GABRB3: variants seen among roughly 807,000 people sequenced by gnomAD.
The protein encoded by GABRB3 is gamma-aminobutyric acid receptor subunit beta-3.
GABRB3 carries 14 observed loss-of-function variants against 52.1 expected under a neutral mutation model. That is an observed-to-expected ratio of 0.27 (90% CI 0.18 to 0.42). The LOEUF (loss-of-function observed/expected upper bound fraction) is 0.42. GABRB3 is among the 10% of genes least tolerant of loss of function. The pLI is 1.00. For missense variants in GABRB3, 307 were observed against 609.1 expected (o/e 0.50, Z 5.22); for synonymous variants, 260 against 232.3 (o/e 1.12, Z -1.08).
chr15:26,606,808 A>ATCGATAGATAGATAGATATATT (rs750566618), intron 4 of GABRB3, among the ~76,000 whole-genome samples: 4 of 84,766 alleles, frequency 4.7e-5, no homozygotes, highest in Non-Finnish European at 9.7e-5. Context: ...ATATATCTAT[A>ATCGATAGATAGATAGATATATT]GATAGATAGA....
chr15:26,674,479 A>G (rs1888006495), intron 3 of GABRB3, among the ~76,000 whole-genome samples: 2 of 149,258 alleles, frequency 1.3e-5, no homozygotes, highest in South Asian at 2.1e-4. Flanking sequence ...AAAGAAAGAA[A>G]GAGAGAGAGA....
At chr15:26,561,302 T>A in intron 7 of GABRB3, 126 bp from the exon 8 acceptor site, 1 of 1,311,470 alleles carries the variant, frequency 7.6e-7, no homozygotes, top group Non-Finnish European at 1.1e-6. Context: ...TACTGTGGGG[T>A]GACTGGAATG....
At chr15:26,580,271 C>G (rs1384110650) in intron 6 of GABRB3, 48 bp downstream of exon 6, 1 of 1,612,396 alleles carries the variant, frequency 6.2e-7, no homozygotes, top group South Asian at 1.1e-5. Context: ...CAGTCACGCC[C>G]ATGGAGCCAG....
intron 3 of GABRB3, among the ~76,000 whole-genome samples, chr15:26,753,197 C>CG (rs1332693290): frequency 6.6e-6 from 1 of 152,120 alleles, no homozygotes; most frequent in African/African-American, 2.4e-5. Flanking sequence ...TTCTTAGTGT[C>CG]CCGTCACCGC....
chr15:26,612,440 G>A (rs529936890), intron 4 of GABRB3: 1 of 152,218 alleles, frequency 6.6e-6, no homozygotes, highest in South Asian at 2.1e-4. Flanking sequence ...TTGACCATGA[G>A]CCTTCCCACA....
upstream of GABRB3, chr15:26,773,565 G>A (rs1185307268): frequency 3.5e-6 from 4 of 1,152,716 alleles, no homozygotes; most frequent in Admixed American, 6.2e-5. Flanking sequence ...GAGCCCCCGG[G>A]TGCCGCGCCT....
chr15:26,552,186 T>C (rs891026716), intron 8 of GABRB3, among the ~76,000 whole-genome samples: 1 of 151,962 alleles, frequency 6.6e-6, no homozygotes. Context: ...TTTGTATTTT[T>C]AGTAGAGATG....
intron 6 of GABRB3, among the ~76,000 whole-genome samples, chr15:26,577,640 G>A (rs1890640836): frequency 6.6e-6 from 1 of 152,204 alleles, no homozygotes; most frequent in South Asian, 2.1e-4. Context: ...TGCAGGGGGA[G>A]AAAAACAAGT....
chr15:26,760,066 G>A (rs1890771843), intron 3 of GABRB3, among the ~76,000 whole-genome samples: 1 of 152,190 alleles, frequency 6.6e-6, no homozygotes, highest in Non-Finnish European at 1.5e-5. Context: ...GAGGCTCATA[G>A]CATACAGCAA....
chr15:26,773,436 T>C (rs1595364525), upstream of GABRB3, among the ~76,000 whole-genome samples: 1 of 150,704 alleles, frequency 6.6e-6, no homozygotes, highest in East Asian at 2.0e-4. Flanking sequence ...GCCGGGCGAG[T>C]GCGGGGACTG....
intron 3 of GABRB3, chr15:26,624,523 G>T: frequency 2.0e-6 from 2 of 985,446 alleles, no homozygotes; most frequent in Non-Finnish European, 2.4e-6. Flanking sequence ...GACAGCTCGG[G>T]CTCCGCGTCT....
At chr15:26,650,543 GGGT>G (rs1887163441) in intron 3 of GABRB3, among the ~76,000 whole-genome samples, 1 of 151,938 alleles carries the variant, frequency 6.6e-6, no homozygotes, top group Non-Finnish European at 1.5e-5. Context: ...CAGATGGGGT[GGGT>G]ACCCAGTGAA....
chr15:26,552,008 C>CT (rs745331256), intron 8 of GABRB3, among the ~76,000 whole-genome samples: 348 of 141,324 alleles, frequency 2.5e-3, no homozygotes, highest in Middle Eastern at 3.7e-3. Flanking sequence ...GAAATTTTGA[C>CT]TTTTTTTTTT....
At chr15:26,753,155 G>A (rs768763735) in intron 3 of GABRB3, among the ~76,000 whole-genome samples, 19 of 152,172 alleles carry the variant, frequency 1.2e-4, no homozygotes, top group South Asian at 4.1e-4. Context: ...ATGTCCACAG[G>A]CACTTTCCCC....
chr15:26,579,350 G>C (rs1481940133), intron 6 of GABRB3, among the ~76,000 whole-genome samples: 2 of 152,134 alleles, frequency 1.3e-5, no homozygotes, highest in Non-Finnish European at 2.9e-5. Flanking sequence ...CAGCCTGGGG[G>C]GCTGTGCCGG....
chr15:26,700,539 T>C (rs1205394169), intron 3 of GABRB3, among the ~76,000 whole-genome samples: 1 of 152,222 alleles, frequency 6.6e-6, no homozygotes, highest in East Asian at 1.9e-4. Flanking sequence ...CAGATCGGTA[T>C]CCCTCATGAA....
chr15:26,670,214 G>A (rs1036167348), intron 3 of GABRB3, among the ~76,000 whole-genome samples: 3 of 152,212 alleles, frequency 2.0e-5, no homozygotes, highest in Non-Finnish European at 4.4e-5. Flanking sequence ...GGCGGCGAGC[G>A]GGAGGGAGGC....
At chr15:26,602,077 C>T (rs1566768047) in intron 4 of GABRB3, among the ~76,000 whole-genome samples, 1 of 152,062 alleles carries the variant, frequency 6.6e-6, no homozygotes, top group Non-Finnish European at 1.5e-5. Flanking sequence ...ATACTCCATG[C>T]CAGTGCAAAC....
rs1157371973 is a variant in GABRB3, at chr15:26,560,924, G to A, written c.1080+8C>T. The A allele has an allele frequency of 6.2e-7, 1 of 1,613,492 alleles. No individual in the cohort carries two copies. The highest frequency in any genetic ancestry group is 1.7e-5 in the Admixed American group (1 of 60,022). ...GACCAGGTGGGGTCAAGGTGGTGGA[G>A]AGCCTACCCGGTTGCTTTCGCTCTT... is the stretch of plus-strand genomic sequence containing the variant. On this transcript the variant is annotated splice_region_variant and intron_variant, in intron 8 of 8. Coordinates refer to ENST00000311550, the MANE Select transcript of GABRB3 (RefSeq NM_000814.6).
Sources: allele counts gnomAD v4.1 joint callset (sites outside exome capture counted in the v4.1 genomes callset), GRCh38; gene constraint gnomAD v4.1.1; transcripts MANE v1.5; gene names NCBI Gene and HGNC (gene_info 2026-07-23, HGNC 2026-07-21).